GPC5: variants seen among roughly 807,000 people sequenced by gnomAD.
The protein encoded by GPC5 is glypican 5, also known as glypican-5.
In GPC5, 47 loss-of-function variants were observed where a neutral mutation model predicts 53.9. That is an observed-to-expected ratio of 0.87 (90% CI 0.69 to 1.11). GPC5 has a LOEUF of 1.11. Among genes scored for constraint, GPC5 ranks in the 50% most tolerant of loss-of-function variants. The probability of loss-of-function intolerance (pLI) is 0.00; values close to 1 mark genes in which losing one functional copy is unlikely to be tolerated. For synonymous variants in GPC5, 286 were observed against 263.3 expected, an observed-to-expected ratio of 1.09 and a Z score of -0.84; for missense variants, 748 against 713.1, an observed-to-expected ratio of 1.05 and a Z score of -0.56.
At chr13:92,576,146 G>C (rs1446610530) in intron 7 of GPC5, among the ~76,000 whole-genome samples, 1 of 152,194 alleles carries the variant, frequency 6.6e-6, no homozygotes, top group East Asian at 1.9e-4. Flanking sequence ...GTCAGAATAA[G>C]TATAAAATCT....
At chr13:92,138,625 G>T (rs1183502496) in intron 6 of GPC5, among the ~76,000 whole-genome samples, 1 of 152,118 alleles carries the variant, frequency 6.6e-6, no homozygotes, top group African/African-American at 2.4e-5. Context: ...TCGCTTAAGG[G>T]TGCATATATG....
intron 2 of GPC5, among the ~76,000 whole-genome samples, chr13:91,537,180 A>C (rs1237087322): frequency 6.6e-6 from 1 of 152,162 alleles, no homozygotes; most frequent in Non-Finnish European, 1.5e-5. Flanking sequence ...AGAAGAAAAG[A>C]CGTAATAAAT....
chr13:91,733,877 G>T (rs1190686405), intron 4 of GPC5, among the ~76,000 whole-genome samples: 1 of 152,164 alleles, frequency 6.6e-6, no homozygotes, highest in African/African-American at 2.4e-5. Flanking sequence ...GAATAAGAGT[G>T]TTGAGAAGGG....
At chr13:92,745,374 CA>C (rs2139317445) in intron 7 of GPC5, among the ~76,000 whole-genome samples, 1 of 152,194 alleles carries the variant, frequency 6.6e-6, no homozygotes, top group East Asian at 1.9e-4. Flanking sequence ...AATGTTACAT[CA>C]CATCTAAACA....
At chr13:91,932,891 A>G (rs1472490724) in intron 6 of GPC5, among the ~76,000 whole-genome samples, 2 of 151,988 alleles carry the variant, frequency 1.3e-5, no homozygotes, top group African/African-American at 2.4e-5. Context: ...ATTCTTAATA[A>G]GTATTACAAG....
intron 7 of GPC5, among the ~76,000 whole-genome samples, chr13:92,540,642 T>C (rs940275466): frequency 6.6e-6 from 1 of 151,826 alleles, no homozygotes; most frequent in South Asian, 2.1e-4. Flanking sequence ...TTTCATTGAT[T>C]AGGAAAAAGA....
chr13:91,498,126 A>G (rs1017173702), intron 2 of GPC5, among the ~76,000 whole-genome samples: 1 of 144,836 alleles, frequency 6.9e-6, no homozygotes, highest in Admixed American at 6.9e-5. Context: ...TCACCCCCCT[A>G]CCTCTAACCC....
chr13:92,019,209 C>A (rs1326514), intron 6 of GPC5, among the ~76,000 whole-genome samples: 82,660 of 151,416 alleles, frequency 0.55, 23,397 homozygotes, highest in African/African-American at 0.69. Context: ...TACTCTCTCT[C>A]TATATATATT....
intron 7 of GPC5, among the ~76,000 whole-genome samples, chr13:92,704,272 C>T (rs1887865844): frequency 6.6e-6 from 1 of 151,896 alleles, no homozygotes; most frequent in Non-Finnish European, 1.5e-5. Context: ...AAATTGCAGC[C>T]ACAGTTAAGT....
At chr13:92,808,880 T>G (rs1384498093) in intron 7 of GPC5, among the ~76,000 whole-genome samples, 1 of 152,122 alleles carries the variant, frequency 6.6e-6, no homozygotes, top group Non-Finnish European at 1.5e-5. Flanking sequence ...AACTCCAATA[T>G]TACTTGAAGA....
intron 7 of GPC5, among the ~76,000 whole-genome samples, chr13:92,481,780 G>A (rs546469955): frequency 1.3e-5 from 2 of 152,080 alleles, no homozygotes; most frequent in East Asian, 3.9e-4. Context: ...GAAGAAGGGG[G>A]TTGAAGACAA....
At chr13:91,466,667 A>G (rs1315679255) in intron 2 of GPC5, among the ~76,000 whole-genome samples, 1 of 152,042 alleles carries the variant, frequency 6.6e-6, no homozygotes, top group African/African-American at 2.4e-5. Flanking sequence ...GCAGAGGAGA[A>G]AGATTCTAAG....
chr13:92,661,842 C>T (rs1886354486), intron 7 of GPC5, among the ~76,000 whole-genome samples: 1 of 152,146 alleles, frequency 6.6e-6, no homozygotes, highest in Non-Finnish European at 1.5e-5. Flanking sequence ...AATTTAAGTC[C>T]TGTTTCTCCT....
At chr13:92,371,526 T>A (rs2043649551) in intron 7 of GPC5, among the ~76,000 whole-genome samples, 1 of 152,116 alleles carries the variant, frequency 6.6e-6, no homozygotes, top group East Asian at 1.9e-4. Flanking sequence ...CAAGACTGGA[T>A]AATTTAGAAA....
intron 7 of GPC5, among the ~76,000 whole-genome samples, chr13:92,379,855 G>A (rs530776708): frequency 7.2e-5 from 11 of 152,186 alleles, no homozygotes; most frequent in Admixed American, 3.3e-4. Context: ...TTGTTTTGCC[G>A]CTTCTTGTCA....
chr13:92,596,366 C>T (rs866886710), intron 7 of GPC5, among the ~76,000 whole-genome samples: 5 of 152,014 alleles, frequency 3.3e-5, no homozygotes, highest in Middle Eastern at 3.4e-3. Context: ...ATATAATATG[C>T]CCCAACTAAG....
At chr13:92,452,340 C>G (rs1878095270) in intron 7 of GPC5, among the ~76,000 whole-genome samples, 1 of 151,770 alleles carries the variant, frequency 6.6e-6, no homozygotes, top group Non-Finnish European at 1.5e-5. Flanking sequence ...TTAACAAAAA[C>G]AAATACAGAA....
intron 7 of GPC5, among the ~76,000 whole-genome samples, chr13:92,746,121 C>T (rs914371621): frequency 2.7e-5 from 4 of 150,778 alleles, no homozygotes; most frequent in African/African-American, 7.5e-5. Flanking sequence ...CCCATCCTGT[C>T]GTCTAGTCAT....
intron 1 of GPC5, among the ~76,000 whole-genome samples, chr13:91,417,744 A>G (rs116990124): frequency 0.018 from 2,755 of 152,266 alleles, 57 homozygotes; most frequent in South Asian, 0.048. Flanking sequence ...TTATAAGCAT[A>G]TATGCCCACA....
Sources: gnomAD v4.1 joint callset for allele counts (sites outside exome capture counted in the v4.1 genomes callset) on GRCh38, gnomAD v4.1.1 for gene constraint, MANE v1.5 for transcripts, NCBI Gene and HGNC (gene_info 2026-07-23, HGNC 2026-07-21) for gene names.